The following ANO6 variants were observed in gnomAD, a reference collection of about 807,000 sequenced individuals.
ANO6 encodes the protein anoctamin 6.
A neutral mutation model predicts 117.5 loss-of-function variants in ANO6; 106 were observed. The observed-to-expected ratio is 0.90, with a 90% CI of 0.77 to 1.06. ANO6 has a LOEUF of 1.06. Ranked by LOEUF, ANO6 falls within the 50% of genes least tolerant of loss-of-function variation. ANO6 has a pLI of 0.00. For missense variants in ANO6, 955 were observed against 1,121.1 expected, an observed-to-expected ratio of 0.85 and a Z score of 2.12; for synonymous variants, 367 against 385.1, an observed-to-expected ratio of 0.95 and a Z score of 0.55.
intron 19 of ANO6, among the ~76,000 whole-genome samples, chr12:45,427,232 C>T (rs1238547206): frequency 6.6e-6 from 1 of 152,128 alleles, no homozygotes; most frequent in Non-Finnish European, 1.5e-5. Context: ...GGGCCAGAGT[C>T]TCCTAGCTGG....
chr12:45,371,345 T>G (rs1305143638), intron 9 of ANO6, among the ~76,000 whole-genome samples: 5 of 152,172 alleles, frequency 3.3e-5, no homozygotes, highest in Admixed American at 6.5e-5. Context: ...AGCTCGAACT[T>G]GGTGGACCCC....
At position 45,348,581 on chromosome 12, in the gene ANO6, A is replaced by G; in HGVS notation, c.697A>G (p.Asn233Asp). ...VINNVSKFGI[N>D]RLVNSGIYKA... ...AAACAATGTTAGCAAGTTTGGGATC[A>G]ACAGACTTGTAAACTCTGGGATCTA... Residue 233 changes from asparagine (N) to aspartate (D), a missense_variant, in exon 6 of 20, where the codon AAC becomes GAC. Physicochemically the swap from Asn to Asp is conservative, Grantham distance 23 (BLOSUM62 1). Coordinates refer to ENST00000320560, the MANE Select transcript of ANO6 (RefSeq NM_001025356.3). The G allele has an allele frequency of 6.2e-7, 1 of 1,614,046 alleles. No individual in the cohort carries two copies. Among genetic ancestry groups the G allele is most frequent in the Non-Finnish European group, 8.5e-7 (1 of 1,179,950 alleles).
chr12:45,431,992 T>TAAAC lies in ANO6; in HGVS notation c.*2684_*2687dup. The TAAAC allele has an allele frequency of 1.0e-6, 1 of 985,386 alleles. No homozygotes were observed. Among genetic ancestry groups the TAAAC allele is most frequent in the Non-Finnish European group, 1.2e-6 (1 of 829,868 alleles). 61.0% of individuals were successfully genotyped at this position (985,386 alleles called of 1,614,324 possible). On this transcript the variant is annotated 3_prime_UTR_variant, in exon 20 of 20. Coordinates refer to ENST00000320560, the MANE Select transcript of ANO6 (RefSeq NM_001025356.3). ...AAAGCTATCATTTTTATTTTAAAAC[T>TAAAC]AAACAAGGCCATCTTATAAACTGTC... is the stretch of plus-strand genomic sequence containing the variant.
chr12:45,281,560 T>G (rs575041316), intron 1 of ANO6, among the ~76,000 whole-genome samples: 11 of 152,292 alleles, frequency 7.2e-5, no homozygotes, highest in Admixed American at 1.3e-4. Flanking sequence ...TACCATACTC[T>G]TTTAAAACAG....
intron 1 of ANO6, among the ~76,000 whole-genome samples, chr12:45,273,038 G>A (rs1938439566): frequency 6.6e-6 from 1 of 152,178 alleles, no homozygotes. Flanking sequence ...GTTATGCTAA[G>A]TGAAATAAGC....
At chr12:45,299,129 A>G (rs1332229174) in intron 1 of ANO6, among the ~76,000 whole-genome samples, 1 of 152,210 alleles carries the variant, frequency 6.6e-6, no homozygotes, top group Non-Finnish European at 1.5e-5. Flanking sequence ...TTCCAAATGT[A>G]AAGCAAGCTG....
intron 12 of ANO6, among the ~76,000 whole-genome samples, chr12:45,394,940 G>A (rs547164986): frequency 6.6e-6 from 1 of 152,182 alleles, no homozygotes; most frequent in Admixed American, 6.5e-5. Context: ...AAGAACTAGA[G>A]AAGCAAGAGC....
chr12:45,370,040 T>C (rs1941784035), intron 9 of ANO6, among the ~76,000 whole-genome samples: 1 of 152,250 alleles, frequency 6.6e-6, no homozygotes, highest in African/African-American at 2.4e-5. Flanking sequence ...TGCCTACATA[T>C]GCAGCTCTTT....
At chr12:45,314,510 CAT>C (rs1304297368) in intron 2 of ANO6, among the ~76,000 whole-genome samples, 1 of 149,642 alleles carries the variant, frequency 6.7e-6, no homozygotes, top group Admixed American at 6.7e-5. Context: ...CATATATACA[CAT>C]ATGTGTATAT....
intron 12 of ANO6, among the ~76,000 whole-genome samples, chr12:45,398,690 G>A (rs10880780): frequency 1.3e-5 from 2 of 151,824 alleles, no homozygotes; most frequent in East Asian, 1.9e-4. Flanking sequence ...GTTGTGCGGC[G>A]ATGAGAAAGT....
At chr12:45,389,718 A>G (rs1942391201) in intron 11 of ANO6, among the ~76,000 whole-genome samples, 1 of 152,196 alleles carries the variant, frequency 6.6e-6, no homozygotes, top group Non-Finnish European at 1.5e-5. Flanking sequence ...ATCTTGGACC[A>G]ATTAGTTAAC....
chr12:45,392,355 A>C (rs1942477390), intron 12 of ANO6, among the ~76,000 whole-genome samples: 1 of 152,228 alleles, frequency 6.6e-6, no homozygotes, highest in Admixed American at 6.5e-5. Flanking sequence ...AGGAAGCTCA[A>C]ACTGGGCAGA....
intron 1 of ANO6, among the ~76,000 whole-genome samples, chr12:45,225,383 T>C (rs1226017489): frequency 2.0e-5 from 3 of 152,206 alleles, no homozygotes; most frequent in Non-Finnish European, 2.9e-5. Flanking sequence ...AACACTCGTC[T>C]TGAAGCGGGG....
intron 17 of ANO6, among the ~76,000 whole-genome samples, chr12:45,419,417 T>C (rs958959065): frequency 1.3e-5 from 2 of 152,180 alleles, no homozygotes; most frequent in Non-Finnish European, 2.9e-5. Context: ...TCTATTGAAA[T>C]CTGAGGGAAA....
At chr12:45,428,595 A>G (rs867815968) in intron 19 of ANO6, among the ~76,000 whole-genome samples, 18 of 152,232 alleles carry the variant, frequency 1.2e-4, no homozygotes, top group Non-Finnish European at 1.8e-4. Context: ...GAAAGACAGC[A>G]ATTTCCAAAA....
At chr12:45,416,944 A>G (rs768202719) in intron 17 of ANO6, 40 bp downstream of exon 17, 11 of 1,596,524 alleles carry the variant, frequency 6.9e-6, no homozygotes, top group East Asian at 6.7e-5. Flanking sequence ...GACCTTGAAG[A>G]TGCATTAGAT....
intron 3 of ANO6, among the ~76,000 whole-genome samples, chr12:45,341,935 TATC>T (rs1940991205): frequency 6.6e-6 from 1 of 152,180 alleles, no homozygotes. Context: ...CTACAGCGCT[TATC>T]ATATGCCAAG....
At chr12:45,320,084 A>AT (rs1003578701) in intron 2 of ANO6, among the ~76,000 whole-genome samples, 8 of 151,844 alleles carry the variant, frequency 5.3e-5, no homozygotes, top group Non-Finnish European at 7.4e-5. Flanking sequence ...GGATTCATTG[A>AT]TTTTTTTGAA....
In ANO6 at chr12:45,362,839, T is replaced by C. The variant is rs545066367; in HGVS notation, c.999-4849T>C. ...TTCCTTCTCTACTCCTTTGTGGTAT[T>C]ATCATCATGCAAATTACAACTTAAT... On this transcript the variant is annotated intron_variant, in intron 8 of 19. Transcript: ENST00000320560. 2.6e-5 allele frequency among the ~76,000 whole-genome samples: 4 copies of C among 152,332 alleles called. No individual in the cohort carries two copies. In the East Asian group the frequency reaches 7.7e-4, roughly 29 times the overall value.
Sources: gnomAD v4.1 joint callset for allele counts (sites outside exome capture counted in the v4.1 genomes callset) on GRCh38, gnomAD v4.1.1 for gene constraint, MANE v1.5 for transcripts, NCBI Gene and HGNC (gene_info 2026-07-23, HGNC 2026-07-21) for gene names.